Variants in NCAPD3 observed in about 807,000 individuals in gnomAD.
NCAPD3 encodes the protein condensin-2 complex subunit D3.
Under a neutral mutation model 182.9 loss-of-function variants are expected in NCAPD3, and 105 were observed. The ratio of observed to expected loss-of-function variants is 0.57; its 90% CI spans 0.49 to 0.68. The LOEUF is 0.68. Among genes scored for constraint, NCAPD3 ranks in the 30% least tolerant of loss-of-function variants. The pLI is 0.00. For missense variants in NCAPD3, 1,944 were observed against 1,837.0 expected, an observed-to-expected ratio of 1.06 and a Z score of -1.07; for synonymous variants, 815 against 679.9, an observed-to-expected ratio of 1.20 and a Z score of -3.09.
chr11:134,218,131 A>C (rs1938099434), intron 2 of NCAPD3, among the ~76,000 whole-genome samples: 2 of 134,312 alleles, frequency 1.5e-5, no homozygotes, highest in Admixed American at 7.7e-5. Context: ...GGAAGAAATC[A>C]TCTCCTAACT....
In NCAPD3 at chr11:134,153,323, G is replaced by A. The variant is rs752068926; in HGVS notation, c.4293C>T (p.Tyr1431=). Residue 1431 remains tyrosine (Y), a synonymous_variant, in exon 33 of 35, where the codon TAC becomes TAT. Coordinates refer to ENST00000534548, the MANE Select transcript of NCAPD3 (RefSeq NM_015261.3). ...ACGACGGAGTCCGTGGTGTCCCGATGTAACTGACCCCTGCTCCAAACGTGA... is the reference window on the plus strand; with the variant it reads ...ACGACGGAGTCCGTGGTGTCCCGATATAACTGACCCCTGCTCCAAACGTGA... ...SDVTFGAGVS[Y]IGTPRTPSSA... 6.2e-7 allele frequency: 1 copy of A among 1,614,204 alleles called. No homozygotes were observed. The highest frequency in any genetic ancestry group is 8.5e-7 in the Non-Finnish European group (1 of 1,180,036).
intron 13 of NCAPD3, among the ~76,000 whole-genome samples, chr11:134,202,441 G>A (rs1057176393): frequency 6.6e-6 from 1 of 152,180 alleles, no homozygotes; most frequent in Non-Finnish European, 1.5e-5. Flanking sequence ...ACAGTGGTAT[G>A]ATCAGAGCTC....
chr11:134,221,901 T>C (rs1055717268), intron 1 of NCAPD3, among the ~76,000 whole-genome samples: 1 of 152,186 alleles, frequency 6.6e-6, no homozygotes, highest in African/African-American at 2.4e-5. Context: ...TCCAAAGACA[T>C]GGAATATGCT....
chr11:134,181,031 G>C (rs757801923), intron 20 of NCAPD3, 46 bp downstream of exon 20: 7 of 1,415,446 alleles, frequency 4.9e-6, no homozygotes, highest in African/African-American at 4.2e-5. Context: ...GAACCTCACG[G>C]ATAAAATGGA....
intron 27 of NCAPD3, among the ~76,000 whole-genome samples, chr11:134,167,699 C>T (rs1253501213): frequency 1.8e-4 from 22 of 123,630 alleles, no homozygotes; most frequent in East Asian, 2.6e-4. Context: ...GGGGCACACT[C>T]ACTAGTGAGG....
intron 24 of NCAPD3, among the ~76,000 whole-genome samples, chr11:134,171,774 CAG>C (rs1333879545): frequency 6.6e-6 from 1 of 152,182 alleles, no homozygotes; most frequent in African/African-American, 2.4e-5. Flanking sequence ...AGCCAACTCT[CAG>C]GGCACTCCCT....
intron 26 of NCAPD3, 119 bp downstream of exon 26, chr11:134,168,350 G>C: frequency 6.6e-7 from 1 of 1,512,518 alleles, no homozygotes; most frequent in Admixed American, 1.7e-5. Flanking sequence ...AGAAGGACAA[G>C]ATGACAGGGG....
At chr11:134,205,899 T>C (rs889243648) in intron 8 of NCAPD3, among the ~76,000 whole-genome samples, 1 of 152,126 alleles carries the variant, frequency 6.6e-6, no homozygotes, top group African/African-American at 2.4e-5. Flanking sequence ...ACCCCATGTC[T>C]CCAACTACCC....
In NCAPD3 at chr11:134,204,823, T is replaced by A. The variant is rs1944816690; in HGVS notation, c.1089+76A>T. The A allele has an allele frequency of 2.3e-5, 25 of 1,099,076 alleles. No homozygotes were observed. Among genetic ancestry groups the A allele is most frequent in the Admixed American group, 4.2e-5 (2 of 47,080 alleles). 68.1% of individuals were successfully genotyped at this position (1,099,076 alleles called of 1,614,324 possible). On this transcript the variant is annotated intron_variant, in intron 9 of 34. Transcript: ENST00000534548. The surrounding 1 kb of genome is among the most constrained non-coding windows in gnomAD (Gnocchi z 4.3). ...CATTCCCAAGAACAAATACCCACAC[T>A]CACACACACACACACACATTTATCT...
chr11:134,167,128 A>G (rs74842617), intron 27 of NCAPD3, among the ~76,000 whole-genome samples: 4 of 115,174 alleles, frequency 3.5e-5, no homozygotes, highest in South Asian at 3.2e-4. Flanking sequence ...CACTTGTGAG[A>G]TGAGCTTGGG....
At chr11:134,224,327 G>A, upstream of NCAPD3, 1 of 297,056 alleles carries the variant, frequency 3.4e-6, no homozygotes, top group South Asian at 3.8e-5. Context: ...CGTGTCAAAG[G>A]GCTGCCTTTC....
intron 20 of NCAPD3, among the ~76,000 whole-genome samples, chr11:134,179,916 T>G (rs1258821545): frequency 5.9e-5 from 9 of 152,114 alleles, no homozygotes; most frequent in Admixed American, 5.9e-4. Flanking sequence ...AAAAAAATAT[T>G]TAAGTTCTAT....
At chr11:134,213,740 G>A (rs1475068315) in intron 3 of NCAPD3, among the ~76,000 whole-genome samples, 1 of 152,020 alleles carries the variant, frequency 6.6e-6, no homozygotes, top group African/African-American at 2.4e-5. Context: ...GAGAAATGAT[G>A]TACCAACCAA....
At chr11:134,172,438 C>T (rs1372398077) in intron 24 of NCAPD3, among the ~76,000 whole-genome samples, 1 of 152,168 alleles carries the variant, frequency 6.6e-6, no homozygotes, top group African/African-American at 2.4e-5. Flanking sequence ...TCCGATTGTT[C>T]CATGGCTTCA....
chr11:134,162,038 T>G lies in NCAPD3; in HGVS notation c.3574-147A>C. The G allele has an allele frequency of 7.2e-6, 4 of 554,448 alleles. No individual in the cohort carries two copies. In the Admixed American group the frequency reaches 1.5e-4, roughly 21 times the overall value. 34.3% of individuals were successfully genotyped at this position (554,448 alleles called of 1,614,324 possible). On this transcript the variant is annotated intron_variant, in intron 27 of 34. Coordinates refer to ENST00000534548, the MANE Select transcript of NCAPD3 (RefSeq NM_015261.3). Reference sequence around the variant, plus strand: ...ATTATGATACTGGATGTAGAGGACCTCTGCTTTTCTCTGGGAGACTTTGTA... The same window carrying G: ...ATTATGATACTGGATGTAGAGGACCGCTGCTTTTCTCTGGGAGACTTTGTA...
At chr11:134,184,400 G>A (rs76742192) in intron 19 of NCAPD3, among the ~76,000 whole-genome samples, 2 of 152,206 alleles carry the variant, frequency 1.3e-5, no homozygotes, top group African/African-American at 2.4e-5. Flanking sequence ...AAAGACACTC[G>A]CACCTGCGAT....
At chr11:134,176,436 C>T (rs368081696) in intron 23 of NCAPD3, 50 bp from the exon 24 acceptor site, 6 of 1,513,394 alleles carry the variant, frequency 4.0e-6, no homozygotes, top group Middle Eastern at 1.7e-4. Context: ...CATGGGCAAG[C>T]CTCACTGTTC....
chr11:134,205,066 A>G, intron 8 of NCAPD3, 95 bp from the exon 9 acceptor site: 1 of 898,512 alleles, frequency 1.1e-6, no homozygotes, highest in Non-Finnish European at 1.8e-6. Flanking sequence ...TAGTTATTAA[A>G]ACACTCTACC....
chr11:134,195,106 A>AT lies in NCAPD3; in HGVS notation c.1616-369dup, dbSNP rs533339143. Reference sequence around the variant, plus strand: ...GCTTTAAAATGTTTGACTTGAAGACATTTTTTTATAAGAGACAGGGGTCTC... The same window carrying AT: ...GCTTTAAAATGTTTGACTTGAAGACATTTTTTTTATAAGAGACAGGGGTCTC... On this transcript the variant is annotated intron_variant, in intron 13 of 34. Coordinates refer to ENST00000534548, the MANE Select transcript of NCAPD3 (RefSeq NM_015261.3). 4.2e-3 allele frequency among the ~76,000 whole-genome samples: 632 copies of AT among 152,180 alleles called. 4 individuals are homozygous for AT. Among genetic ancestry groups the AT allele is most frequent in the African/African-American group, 0.015 (604 of 41,532 alleles).
Sources: allele counts gnomAD v4.1 joint callset (sites outside exome capture counted in the v4.1 genomes callset), GRCh38; gene constraint gnomAD v4.1.1; non-coding constraint Gnocchi (gnomAD v3.1); transcripts MANE v1.5; gene names NCBI Gene and HGNC (gene_info 2026-07-23, HGNC 2026-07-21).